UMAD1: variants seen among roughly 807,000 people sequenced by gnomAD.
The protein encoded by UMAD1 is UBAP1-MVB12-associated (UMA)-domain containing protein 1.
UMAD1 carries 8 observed loss-of-function variants against 6.1 expected under a neutral mutation model. The ratio of observed to expected loss-of-function variants is 1.30; its 90% confidence interval spans 0.76 to 2.35. UMAD1 has a LOEUF of 2.35. UMAD1 is among the 30% of genes most tolerant of loss of function. The pLI is 0.00. For missense variants in UMAD1, 130 were observed against 78.4 expected (o/e 1.66, Z -2.49); for synonymous variants, 56 against 31.4 (o/e 1.78, Z -2.61).
chr7:7,865,515 C>G (rs1195173610), intron 3 of UMAD1, among the ~76,000 whole-genome samples: 1 of 152,098 alleles, frequency 6.6e-6, no homozygotes, highest in Non-Finnish European at 1.5e-5. Context: ...GAAAAAAATC[C>G]CTGTTTATGG....
chr7:7,675,759 C>T (rs1432285379), intron 2 of UMAD1, among the ~76,000 whole-genome samples: 4 of 152,172 alleles, frequency 2.6e-5, no homozygotes, highest in Admixed American at 2.6e-4. Context: ...GGTGAGGAAT[C>T]ACTTCCGTCG....
intron 2 of UMAD1, among the ~76,000 whole-genome samples, chr7:7,766,714 CTAGTATTCAT>C (rs1269583461): frequency 6.6e-6 from 1 of 152,066 alleles, no homozygotes; most frequent in Non-Finnish European, 1.5e-5. Flanking sequence ...AAAAACTTAC[CTAGTATTCAT>C]TTTTTCATTT....
At chr7:7,769,426 G>A (rs922780141) in intron 2 of UMAD1, among the ~76,000 whole-genome samples, 1 of 152,150 alleles carries the variant, frequency 6.6e-6, no homozygotes, top group East Asian at 1.9e-4. Context: ...ATGATGGGGT[G>A]GAGGGGATGC....
chr7:7,752,718 T>C (rs1365390641), intron 2 of UMAD1, among the ~76,000 whole-genome samples: 1 of 152,076 alleles, frequency 6.6e-6, no homozygotes, highest in Non-Finnish European at 1.5e-5. Flanking sequence ...ATATGTATAA[T>C]CAAAAATTTT....
chr7:7,822,151 C>T (rs1406240717), intron 3 of UMAD1, among the ~76,000 whole-genome samples: 4 of 151,908 alleles, frequency 2.6e-5, no homozygotes, highest in Non-Finnish European at 5.9e-5. Context: ...CTGTGAAAAG[C>T]TTGTGTACTT....
chr7:7,867,018 A>G (rs1228411014), intron 3 of UMAD1, among the ~76,000 whole-genome samples: 1 of 152,162 alleles, frequency 6.6e-6, no homozygotes, highest in Non-Finnish European at 1.5e-5. Context: ...GCATGGAGGA[A>G]GTGAGAGGGA....
At chr7:7,857,499 C>G (rs1784040772) in intron 3 of UMAD1, among the ~76,000 whole-genome samples, 1 of 152,248 alleles carries the variant, frequency 6.6e-6, no homozygotes, top group Admixed American at 6.5e-5. Flanking sequence ...TGAATGCAGT[C>G]AGTCCCTGTT....
At chr7:7,817,358 A>G (rs567609518) in intron 3 of UMAD1, among the ~76,000 whole-genome samples, 1 of 152,340 alleles carries the variant, frequency 6.6e-6, no homozygotes, top group South Asian at 2.1e-4. Context: ...TTAATGTTTG[A>G]TGTGTGCAGG....
intron 1 of UMAD1, among the ~76,000 whole-genome samples, chr7:7,668,114 A>G (rs1458803673): frequency 3.3e-5 from 5 of 151,650 alleles, no homozygotes; most frequent in Non-Finnish European, 7.4e-5. Context: ...CGATTTCGTC[A>G]TGTTGCCCAG....
At chr7:7,813,667 A>AC (rs1442278833) in intron 3 of UMAD1, among the ~76,000 whole-genome samples, 5 of 152,196 alleles carry the variant, frequency 3.3e-5, no homozygotes, top group African/African-American at 4.8e-5. Context: ...TGGTTGTATA[A>AC]CCCTACTTTT....
At chr7:7,673,200 A>G in intron 1 of UMAD1, 109 bp from the exon 2 acceptor site, 1 of 760,398 alleles carries the variant, frequency 1.3e-6, no homozygotes, top group South Asian at 1.5e-5. Context: ...TGGCCATAGA[A>G]TTCCTAAGAG....
intron 2 of UMAD1, among the ~76,000 whole-genome samples, chr7:7,756,506 T>G (rs928506311): frequency 6.6e-6 from 1 of 152,196 alleles, no homozygotes; most frequent in Admixed American, 6.5e-5. Flanking sequence ...GATCTTATTC[T>G]TTGTGTGAAA....
chr7:7,810,731 A>G (rs1783004326), intron 3 of UMAD1, among the ~76,000 whole-genome samples: 2 of 152,204 alleles, frequency 1.3e-5, no homozygotes, highest in African/African-American at 4.8e-5. Context: ...GTGATGAGGA[A>G]ACAACGTATT....
At chr7:7,785,872 T>C (rs1448920247) in intron 2 of UMAD1, among the ~76,000 whole-genome samples, 1 of 152,216 alleles carries the variant, frequency 6.6e-6, no homozygotes. Context: ...AGTTGGTGGG[T>C]TAAAGGAACT....
At chr7:7,705,353 T>A (rs1199758467) in intron 2 of UMAD1, among the ~76,000 whole-genome samples, 1 of 152,192 alleles carries the variant, frequency 6.6e-6, no homozygotes, top group Non-Finnish European at 1.5e-5. Flanking sequence ...CCACCTACAT[T>A]ATTAGAGTGC....
At chr7:7,642,660 A>C (rs1785001110) in intron 1 of UMAD1, among the ~76,000 whole-genome samples, 3 of 152,192 alleles carry the variant, frequency 2.0e-5, no homozygotes, top group Non-Finnish European at 4.4e-5. Flanking sequence ...TGATGTACAG[A>C]AAAAAGTATA....
intron 2 of UMAD1, among the ~76,000 whole-genome samples, chr7:7,763,173 T>C (rs1480714729): frequency 6.6e-6 from 1 of 152,204 alleles, no homozygotes; most frequent in Non-Finnish European, 1.5e-5. Context: ...AAATATTAAA[T>C]ATGGATAATT....
At chr7:7,746,216 A>C (rs1480190861) in intron 2 of UMAD1, among the ~76,000 whole-genome samples, 1 of 152,226 alleles carries the variant, frequency 6.6e-6, no homozygotes, top group Non-Finnish European at 1.5e-5. Context: ...TAGAAGAAAC[A>C]TGGTAAAAGC....
intron 2 of UMAD1, among the ~76,000 whole-genome samples, chr7:7,744,800 T>C (rs1260722252): frequency 6.6e-6 from 1 of 152,192 alleles, no homozygotes; most frequent in African/African-American, 2.4e-5. Context: ...TAAGAGTTCT[T>C]TATATAGTCT....
Sources: allele counts gnomAD v4.1 joint callset (sites outside exome capture counted in the v4.1 genomes callset), GRCh38; gene constraint gnomAD v4.1.1; transcripts MANE v1.5; gene names NCBI Gene and HGNC (gene_info 2026-07-23, HGNC 2026-07-21).